Variants in SYNE2 observed in about 807,000 individuals in gnomAD.
SYNE2 encodes nesprin-2.
A neutral mutation model predicts 856.3 loss-of-function variants in SYNE2; 431 were observed. That is an observed-to-expected ratio of 0.50 (90% confidence interval 0.47 to 0.55). The LOEUF (loss-of-function observed/expected upper bound fraction) is 0.55, where lower values mean the gene tolerates loss of function less well. SYNE2 is among the 20% of genes least tolerant of loss of function. The pLI, the probability that SYNE2 is intolerant of heterozygous loss-of-function variation, is 0.00. For synonymous variants in SYNE2, 2,923 were observed against 2,872.3 expected (o/e 1.02, Z -0.56); for missense variants, 8,129 against 8,023.2 (o/e 1.01, Z -0.50).
chr14:63,975,956 A>C (rs889214903), intron 11 of SYNE2, among the ~76,000 whole-genome samples: 7 of 152,246 alleles, frequency 4.6e-5, no homozygotes, highest in Non-Finnish European at 1.0e-4. Flanking sequence ...GAATGAAGAC[A>C]CAAGAGTACA....
At chr14:64,033,572 G>A (rs886796319) in intron 45 of SYNE2, among the ~76,000 whole-genome samples, 3 of 151,958 alleles carry the variant, frequency 2.0e-5, no homozygotes, top group African/African-American at 7.3e-5. Context: ...TATAGTCCCA[G>A]CTACTTGGGA....
At chr14:64,039,891 T>A (rs2097134322) in intron 45 of SYNE2, among the ~76,000 whole-genome samples, 1 of 152,222 alleles carries the variant, frequency 6.6e-6, no homozygotes, top group Non-Finnish European at 1.5e-5. Flanking sequence ...GAAAAGCTTG[T>A]ACCTTTGGGG....
chr14:64,141,668 CCCT>C, intron 81 of SYNE2, 145 bp downstream of exon 81: 2 of 951,320 alleles, frequency 2.1e-6, no homozygotes, highest in African/African-American at 1.7e-5. Flanking sequence ...AATTACTGGA[CCCT>C]CCTCCAATGG....
chr14:64,135,911 T>G (rs1022406939), intron 78 of SYNE2, among the ~76,000 whole-genome samples: 2 of 152,154 alleles, frequency 1.3e-5, no homozygotes, highest in African/African-American at 4.8e-5. Flanking sequence ...AGGAGTCAGT[T>G]GTCTGGCCTT....
chr14:64,061,021 A>G lies in SYNE2; in HGVS notation c.10068-1730A>G, dbSNP rs925953570. Among the ~76,000 whole-genome samples, 21 of 152,322 alleles carry G rather than the reference A, an allele frequency of 1.4e-4. No homozygotes were observed. In the Middle Eastern group the frequency reaches 0.01, roughly 74 times the overall value. ...TGGGGGATGGGTGAGGAGTGGCATC[A>G]GCAATTCAAGACTGCCTTTTTTATC... On this transcript the variant is annotated intron_variant, in intron 49 of 115. Transcript: ENST00000555002.
intron 32 of SYNE2, among the ~76,000 whole-genome samples, chr14:64,015,355 T>A (rs1456961168): frequency 6.6e-6 from 1 of 152,026 alleles, no homozygotes; most frequent in Non-Finnish European, 1.5e-5. Context: ...TCTACATTAT[T>A]CATTCAATTT....
rs2098253561 is a variant in SYNE2, at chr14:64,152,671, C to G, written c.15747C>G (p.Ser5249=). ...GAVPLLEDTA[S]RIDELFQKRS... Reference sequence around the variant, plus strand: ...TGCCATTGTTAGAAGATACAGCATCCCGAATTGATGAGTTATTTCAAAAGA... The same window carrying G: ...TGCCATTGTTAGAAGATACAGCATCGCGAATTGATGAGTTATTTCAAAAGA... The change falls in exon 85 of 116, where the codon TCC becomes TCG. Residue 5249 remains serine (S), a synonymous_variant. Coordinates refer to ENST00000555002, the MANE Select transcript of SYNE2 (RefSeq NM_182914.3). 1 of 1,614,052 alleles carries G rather than the reference C, an allele frequency of 6.2e-7. No individual in the cohort carries two copies. The highest frequency in any genetic ancestry group is 8.5e-7 in the Non-Finnish European group (1 of 1,180,004).
At chr14:63,848,646 C>A (rs1566605443), upstream of SYNE2, among the ~76,000 whole-genome samples, 1 of 152,220 alleles carries the variant, frequency 6.6e-6, no homozygotes, top group Admixed American at 6.5e-5. Flanking sequence ...TAGGCAAATA[C>A]TTTAAGCCTT....
chr14:64,184,624 C>G (rs909475398), intron 96 of SYNE2, among the ~76,000 whole-genome samples: 30 of 152,248 alleles, frequency 2.0e-4, no homozygotes, highest in African/African-American at 7.0e-4. Flanking sequence ...TCTCCAATTT[C>G]AAGTCAGTAA....
chr14:63,770,731 A>C (rs1886868545), intron 1 of SYNE2, among the ~76,000 whole-genome samples: 1 of 152,140 alleles, frequency 6.6e-6, no homozygotes, highest in Non-Finnish European at 1.5e-5. Flanking sequence ...TTGAGCCTGC[A>C]GTGAGCTGTG....
rs368136441 is a variant in SYNE2, at chr14:64,208,935, C to T, written c.18379C>T (p.Arg6127Trp). 19 of 1,613,952 alleles carry T rather than the reference C, an allele frequency of 1.2e-5. No individual in the cohort carries two copies. Among genetic ancestry groups the T allele is most frequent in the Admixed American group, 3.3e-5 (2 of 60,000 alleles). Residue 6127 changes from arginine to tryptophan, a missense_variant, in exon 101 of 116, where the codon CGG (arginine) becomes TGG (tryptophan). Transcript: ENST00000555002. ...WRNICAMSME[R>W]RMKIEETWRL... ...GAACATTTGTGCCATGTCCATGGAGCGGCGCATGAAGTAAGAACTAAGCTC... is the reference window on the plus strand; with the variant it reads ...GAACATTTGTGCCATGTCCATGGAGTGGCGCATGAAGTAAGAACTAAGCTC...
intron 1 of SYNE2, among the ~76,000 whole-genome samples, chr14:63,786,239 G>A (rs1017260334): frequency 9.8e-5 from 12 of 121,994 alleles, no homozygotes; most frequent in Admixed American, 1.9e-4. Context: ...AACACAGCAA[G>A]ACTGTCTCAA....
In SYNE2 at chr14:64,102,088, GGGGGGAGCA is replaced by G. The variant is rs113527659; in HGVS notation, c.12492+50_12492+58del. On this transcript the variant is annotated intron_variant, in intron 64 of 115. Coordinates refer to ENST00000555002, the MANE Select transcript of SYNE2 (RefSeq NM_182914.3). ...CACGCTTAGGGGTTACGAGGGCCCA[GGGGGGAGCA>G]GGGATCTCTTTCTGCACGACTTTCT... The G allele has an allele frequency of 6.2e-5, 81 of 1,310,186 alleles. 2 individuals are homozygous for G. The African/African-American group carries it at 7.1e-4, about 11-fold the overall frequency. The allele number at this position is 1,310,186 out of a possible 1,614,324, so 81.2% of individuals were successfully genotyped here.
intron 1 of SYNE2, among the ~76,000 whole-genome samples, chr14:63,807,819 T>TTA (rs71120288): frequency 0.012 from 300 of 25,406 alleles, 3 homozygotes; most frequent in African/African-American, 0.014. Flanking sequence ...TACTCCAGGC[T>TTA]TATATATATA....
intron 1 of SYNE2, among the ~76,000 whole-genome samples, chr14:63,874,717 C>G (rs1163779420): frequency 2.0e-5 from 3 of 151,998 alleles, no homozygotes; most frequent in East Asian, 3.9e-4. Context: ...AAAGGGAAAA[C>G]AAAAATCTTG....
chr14:63,872,264 A>G (rs576614858), intron 1 of SYNE2, among the ~76,000 whole-genome samples: 27 of 151,938 alleles, frequency 1.8e-4, no homozygotes, highest in Middle Eastern at 6.8e-3. Flanking sequence ...CCCTGTCTCT[A>G]CTAAAAATAA....
intron 84 of SYNE2, among the ~76,000 whole-genome samples, chr14:64,146,829 G>A (rs986076560): frequency 2.0e-5 from 3 of 152,342 alleles, no homozygotes; most frequent in East Asian, 1.9e-4. Flanking sequence ...CACGGCAGGC[G>A]GCACACGCTG....
chr14:63,920,995 A>G (rs1344314865), intron 2 of SYNE2, among the ~76,000 whole-genome samples: 6 of 152,094 alleles, frequency 3.9e-5, no homozygotes, highest in Non-Finnish European at 8.8e-5. Flanking sequence ...TGCACCTGTA[A>G]TCTCAGCTAC....
chr14:64,053,678 A>G (rs201447422), intron 48 of SYNE2, 21 bp downstream of exon 48: 90 of 1,610,424 alleles, frequency 5.6e-5, no homozygotes, highest in Non-Finnish European at 7.4e-5. Context: ...AAAATTATGC[A>G]GTTAGTGGCT....
Sources: allele counts gnomAD v4.1 joint callset (sites outside exome capture counted in the v4.1 genomes callset), GRCh38; gene constraint gnomAD v4.1.1; transcripts MANE v1.5; gene names NCBI Gene and HGNC (gene_info 2026-07-23, HGNC 2026-07-21).